The following TENM1 variants were observed in gnomAD, a reference collection of about 807,000 sequenced individuals.
TENM1 encodes the protein teneurin transmembrane protein 1, also known as teneurin-1.
In TENM1, 35 loss-of-function variants were observed where a neutral mutation model predicts 174.8. The ratio of observed to expected loss-of-function variants is 0.20; its 90% CI spans 0.15 to 0.27. TENM1 has a LOEUF of 0.27. Ranked by LOEUF, TENM1 falls within the 10% of genes least tolerant of loss-of-function variation. The probability of loss-of-function intolerance (pLI) is 1.00; values close to 1 mark genes in which losing one functional copy is unlikely to be tolerated. For missense variants in TENM1, 1,633 were observed against 2,130.1 expected, an observed-to-expected ratio of 0.77 and a Z score of 4.59; for synonymous variants, 781 against 798.7, an observed-to-expected ratio of 0.98 and a Z score of 0.37.
intron 3 of TENM1, among the ~76,000 whole-genome samples, chrX:124,892,051 G>GT (rs2057485437): frequency 9.0e-6 from 1 of 111,376 alleles, no homozygotes; most frequent in African/African-American, 3.3e-5. Flanking sequence ...TAGTAATGTT[G>GT]TTAGTAAGGT....
chrX:125,202,123 G>A, the TENM1 span, among the ~76,000 whole-genome samples: 1 of 111,609 alleles, frequency 9.0e-6, no homozygotes, highest in Non-Finnish European at 1.9e-5. Context: ...CTCCAGATCA[G>A]AAGACTTCGG....
At chrX:124,849,870 T>C (rs774810117) in intron 3 of TENM1, among the ~76,000 whole-genome samples, 1 of 112,248 alleles carries the variant, frequency 8.9e-6, no homozygotes, top group South Asian at 3.7e-4. Flanking sequence ...ATCAGCTATT[T>C]TGTTTACTAC....
chrX:124,810,463 C>T (rs1222814669), intron 3 of TENM1, among the ~76,000 whole-genome samples: 1 of 110,517 alleles, frequency 9.0e-6, no homozygotes, highest in Non-Finnish European at 1.9e-5. Context: ...ACAATAGTTA[C>T]AAAAAAATAC....
chrX:124,857,191 A>T (rs765716432), intron 3 of TENM1, among the ~76,000 whole-genome samples: 1 of 111,473 alleles, frequency 9.0e-6, no homozygotes, highest in African/African-American at 3.2e-5. Context: ...AACCACATTT[A>T]TCATATTCTC....
chrX:124,464,098 C>T (rs111472283), intron 22 of TENM1, among the ~76,000 whole-genome samples: 17,496 of 110,167 alleles, frequency 0.16, 1,163 homozygotes, highest in Non-Finnish European at 0.21. Flanking sequence ...CATCAAGCAA[C>T]GATATCTGAG....
chrX:124,380,953 G>A, exon 32 of TENM1: 3 of 1,211,594 alleles, frequency 2.5e-6, no homozygotes, highest in East Asian at 3.0e-5. Flanking sequence ...TGTTACCGAT[G>A]AGCACCAGGT....
rs984045660 is a variant in TENM1, at chrX:124,736,842, G to A, written c.776+115C>T. 5.0e-5 allele frequency: 49 copies of A among 983,408 alleles called. No homozygotes were observed. In the East Asian group the frequency reaches 1.5e-3, roughly 30 times the overall value. 81.0% of individuals were successfully genotyped at this position (983,408 alleles called of 1,213,427 possible). A position where few individuals can be genotyped will look rare whatever the true frequency, so the allele number is the denominator to read the frequency against. On this transcript the variant is annotated intron_variant, in intron 4 of 31. Transcript: ENST00000422452. ...TTGCCCATGCATCTGGGTGTGTATC[G>A]GTTTGTGCATTTGTGTGTCTCTGCA...
chrX:124,901,357 C>T (rs1051491301), intron 1 of TENM1, among the ~76,000 whole-genome samples: 4 of 111,581 alleles, frequency 3.6e-5, no homozygotes, highest in African/African-American at 1.3e-4. Flanking sequence ...AATGACTCTA[C>T]TTTCTGAATC....
intron 7 of TENM1, 91 bp from the exon 11 acceptor site, chrX:124,652,215 T>C (rs764312037): frequency 9.4e-7 from 1 of 1,059,861 alleles, no homozygotes; most frequent in African/African-American, 1.9e-5. Context: ...TTCTTACTTC[T>C]TTGCTTTGAA....
intron 11 of TENM1, among the ~76,000 whole-genome samples, chrX:124,573,015 G>A (rs1042567525): frequency 3.6e-5 from 4 of 111,266 alleles, no homozygotes; most frequent in African/African-American, 9.8e-5. Context: ...AAATCTATAT[G>A]AAACAGAAAA....
At chrX:124,821,603 C>G (rs5958598) in intron 3 of TENM1, among the ~76,000 whole-genome samples, 118 of 111,651 alleles carry the variant, frequency 1.1e-3, no homozygotes, top group African/African-American at 3.5e-3. Context: ...AGAATAAAAC[C>G]GTTCAACCAA....
At chrX:124,596,906 A>G (rs1319598476) in intron 11 of TENM1, among the ~76,000 whole-genome samples, 1 of 111,740 alleles carries the variant, frequency 8.9e-6, no homozygotes, top group African/African-American at 3.2e-5. Context: ...AAGTGGCCAA[A>G]AAACATATGA....
chrX:124,451,672 A>C (rs2061038061), intron 23 of TENM1, among the ~76,000 whole-genome samples: 1 of 111,980 alleles, frequency 8.9e-6, no homozygotes, highest in Admixed American at 9.5e-5. Context: ...ACTGAAACAG[A>C]GATATAGACC....
intron 11 of TENM1, among the ~76,000 whole-genome samples, chrX:124,610,532 A>G (rs973740667): frequency 1.8e-5 from 2 of 111,544 alleles, no homozygotes; most frequent in African/African-American, 3.3e-5. Context: ...TTTGATTACA[A>G]TAAGTATTGT....
the TENM1 span, among the ~76,000 whole-genome samples, chrX:125,143,835 T>TA: frequency 1.8e-5 from 2 of 111,801 alleles, no homozygotes; most frequent in Admixed American, 9.5e-5. Context: ...ACTATGAAAT[T>TA]AAACATATGG....
chrX:124,663,893 A>G (rs1011911854), intron 6 of TENM1, among the ~76,000 whole-genome samples: 1 of 111,416 alleles, frequency 9.0e-6, no homozygotes, highest in Non-Finnish European at 1.9e-5. Context: ...CCTTTCCATA[A>G]ATCTGTTTTA....
the TENM1 span, among the ~76,000 whole-genome samples, chrX:124,983,187 G>C: frequency 9.1e-6 from 1 of 109,485 alleles, no homozygotes; most frequent in Non-Finnish European, 1.9e-5. Context: ...TTTTTTTTTA[G>C]ACAATGAACA....
At chrX:124,574,736 A>C (rs2049128625) in intron 11 of TENM1, among the ~76,000 whole-genome samples, 1 of 111,160 alleles carries the variant, frequency 9.0e-6, no homozygotes, top group Non-Finnish European at 1.9e-5. Flanking sequence ...GTAAGAAAAA[A>C]AAGTAAGGTT....
At chrX:124,634,111 T>A (rs981603524) in intron 11 of TENM1, among the ~76,000 whole-genome samples, 1 of 111,647 alleles carries the variant, frequency 9.0e-6, no homozygotes, top group Non-Finnish European at 1.9e-5. Context: ...ACTTTGAATA[T>A]CAAGATGAAA....
Sources: allele counts gnomAD v4.1 joint callset (sites outside exome capture counted in the v4.1 genomes callset), GRCh38; gene constraint gnomAD v4.1.1; transcripts MANE v1.5; gene names NCBI Gene and HGNC (gene_info 2026-07-23, HGNC 2026-07-21).